The following LRRC37A2 variants were observed in gnomAD, a reference collection of about 807,000 sequenced individuals.
LRRC37A2 encodes leucine rich repeat containing 37 member A2.
LRRC37A2 carries 9 observed loss-of-function variants against 68.8 expected under a neutral mutation model. That is an observed-to-expected ratio of 0.13 (90% CI 0.08 to 0.23). The LOEUF (loss-of-function observed/expected upper bound fraction) is 0.23, where lower values mean the gene tolerates loss of function less well. LRRC37A2 is among the 10% of genes least tolerant of loss of function. The pLI, the probability that LRRC37A2 is intolerant of heterozygous loss-of-function variation, is 1.00. For synonymous variants in LRRC37A2, 63 were observed against 367.6 expected, an observed-to-expected ratio of 0.17 and a Z score of 9.48; for missense variants, 168 against 950.4, an observed-to-expected ratio of 0.18 and a Z score of 10.82.
At chr17:46,931,489 C>T in the LRRC37A2 span, 2 of 482,774 alleles carry the variant, frequency 4.1e-6, no homozygotes, top group South Asian at 2.5e-5. Flanking sequence ...AGATCCATAG[C>T]CACCTGAAGC....
the LRRC37A2 span, among the ~76,000 whole-genome samples, chr17:46,918,404 A>T: frequency 1.3e-5 from 2 of 152,294 alleles, no homozygotes; most frequent in East Asian, 3.9e-4. Flanking sequence ...ATCAAATTGC[A>T]TATACAGACT....
chr17:46,957,869 AG>A, the LRRC37A2 span, among the ~76,000 whole-genome samples: 34 of 152,194 alleles, frequency 2.2e-4, no homozygotes, highest in African/African-American at 8.2e-4. Context: ...ATGAGCACTC[AG>A]GGGAAACGGA....
the LRRC37A2 span, among the ~76,000 whole-genome samples, chr17:46,740,550 C>T: frequency 6.6e-6 from 1 of 151,990 alleles, no homozygotes; most frequent in African/African-American, 2.4e-5. Context: ...TTTGGATTTG[C>T]TGATTAATGT....
At chr17:46,795,550 C>T in the LRRC37A2 span, among the ~76,000 whole-genome samples, 3 of 152,184 alleles carry the variant, frequency 2.0e-5, no homozygotes, top group African/African-American at 7.2e-5. Flanking sequence ...GAACATGTGG[C>T]TACCTCTAAC....
the LRRC37A2 span, among the ~76,000 whole-genome samples, chr17:46,404,971 G>A: frequency 7.1e-5 from 7 of 98,768 alleles, 1 homozygote; most frequent in Non-Finnish European, 1.6e-4. Flanking sequence ...GGGAGGCCGA[G>A]GCGGGCGGAT....
the LRRC37A2 span, among the ~76,000 whole-genome samples, chr17:46,772,120 C>T: frequency 6.6e-6 from 1 of 152,108 alleles, no homozygotes; most frequent in Non-Finnish European, 1.5e-5. Flanking sequence ...AACGTGGGGC[C>T]GGAGCTGGGC....
At chr17:46,837,675 G>C in the LRRC37A2 span, among the ~76,000 whole-genome samples, 1 of 152,328 alleles carries the variant, frequency 6.6e-6, no homozygotes, top group African/African-American at 2.4e-5. Flanking sequence ...ACAGGAAGGT[G>C]GTGATGCCCC....
chr17:46,990,980 T>A, the LRRC37A2 span, among the ~76,000 whole-genome samples: 1 of 152,222 alleles, frequency 6.6e-6, no homozygotes. Context: ...CACAGACTGC[T>A]TTTAAAAGGT....
At chr17:46,717,828 T>C in the LRRC37A2 span, among the ~76,000 whole-genome samples, 1 of 152,126 alleles carries the variant, frequency 6.6e-6, no homozygotes, top group African/African-American at 2.4e-5. Flanking sequence ...AAATCACGCT[T>C]AACAACTTTG....
the LRRC37A2 span, chr17:46,749,820 T>C: frequency 6.2e-7 from 1 of 1,614,134 alleles, no homozygotes; most frequent in Non-Finnish European, 8.5e-7. Context: ...AAGATGTCCT[T>C]CAGGAGATGG....
At chr17:46,845,819 C>T in the LRRC37A2 span, among the ~76,000 whole-genome samples, 80 of 118,664 alleles carry the variant, frequency 6.7e-4, no homozygotes, top group African/African-American at 2.4e-3. Context: ...GAGATCAAAT[C>T]TCGTTCTGTC....
chr17:46,521,168 T>C, intron 4 of LRRC37A2, among the ~76,000 whole-genome samples: 1 of 71,212 alleles, frequency 1.4e-5, no homozygotes, highest in African/African-American at 4.4e-5. Flanking sequence ...TGTATTTCTG[T>C]CTGTTTAGAG....
the LRRC37A2 span, among the ~76,000 whole-genome samples, chr17:46,987,771 C>G: frequency 6.6e-6 from 1 of 152,204 alleles, no homozygotes; most frequent in African/African-American, 2.4e-5. Flanking sequence ...TGTGGTTTAT[C>G]CATACAATGG....
the LRRC37A2 span, among the ~76,000 whole-genome samples, chr17:46,793,269 G>A: frequency 3.6e-3 from 148 of 40,940 alleles, 1 homozygote; most frequent in African/African-American, 9.9e-3. Flanking sequence ...GTGAGACCCT[G>A]TCTAAAAAAA....
chr17:47,007,840 C>T, the LRRC37A2 span: 1 of 152,030 alleles, frequency 6.6e-6, no homozygotes, highest in African/African-American at 2.4e-5. Flanking sequence ...GCAAAGTTAC[C>T]TTGGGGAAAA....
chr17:46,728,837 A>G, the LRRC37A2 span: 7 of 1,562,854 alleles, frequency 4.5e-6, no homozygotes, highest in Middle Eastern at 1.7e-4. Context: ...CCTAAACATA[A>G]TAATGTTTCT....
the LRRC37A2 span, among the ~76,000 whole-genome samples, chr17:47,003,936 G>C: frequency 1.3e-5 from 2 of 152,006 alleles, no homozygotes; most frequent in African/African-American, 4.8e-5. Context: ...TGTTCTCGTT[G>C]TTCAATTCCC....
chr17:46,957,612 C>G, the LRRC37A2 span, among the ~76,000 whole-genome samples: 2 of 126,730 alleles, frequency 1.6e-5, no homozygotes, highest in African/African-American at 2.7e-5. Flanking sequence ...GACTTGGTCT[C>G]AAAACAAACA....
At chr17:46,824,999 C>CT in the LRRC37A2 span, among the ~76,000 whole-genome samples, 1 of 152,242 alleles carries the variant, frequency 6.6e-6, no homozygotes, top group South Asian at 2.1e-4. Context: ...CTCGTGCTGC[C>CT]TCTCCAGCCA....
Sources: gnomAD v4.1 joint callset for allele counts (sites outside exome capture counted in the v4.1 genomes callset) on GRCh38, gnomAD v4.1.1 for gene constraint, MANE v1.5 for transcripts, NCBI Gene and HGNC (gene_info 2026-07-23, HGNC 2026-07-21) for gene names.